PCCA: variants seen among roughly 807,000 people sequenced by gnomAD.
PCCA encodes propionyl-CoA carboxylase alpha chain, mitochondrial.
A neutral mutation model predicts 101.3 loss-of-function variants in PCCA; 74 were observed. The observed-to-expected ratio is 0.73, with a 90% CI of 0.61 to 0.89. PCCA has a LOEUF of 0.89. Ranked by LOEUF, PCCA falls within the 40% of genes least tolerant of loss-of-function variation. The probability of loss-of-function intolerance (pLI) is 0.00; values close to 1 mark genes in which losing one functional copy is unlikely to be tolerated. For synonymous variants in PCCA, 294 were observed against 313.6 expected (o/e 0.94, Z 0.66); for missense variants, 891 against 907.0 (o/e 0.98, Z 0.23).
chr13:100,242,397 CAT>C (rs1465540331), intron 8 of PCCA, among the ~76,000 whole-genome samples: 1 of 152,064 alleles, frequency 6.6e-6, no homozygotes, highest in Non-Finnish European at 1.5e-5. Context: ...TTGAGATAAA[CAT>C]TGACGGAATT....
At chr13:100,268,649 G>A (rs1297579326) in intron 10 of PCCA, 40 bp from the exon 11 acceptor site, 11 of 1,370,832 alleles carry the variant, frequency 8.0e-6, no homozygotes, top group South Asian at 1.2e-5. Context: ...TACTTTGTGG[G>A]TGTGGTTATA....
At chr13:100,518,035 C>A (rs1168623597) in intron 22 of PCCA, among the ~76,000 whole-genome samples, 1 of 152,136 alleles carries the variant, frequency 6.6e-6, no homozygotes, top group Non-Finnish European at 1.5e-5. Context: ...TCCGCACTAA[C>A]AATAGCCGGG....
rs183314210 is a variant in PCCA, at chr13:100,155,174, T to A, written c.414+82T>A. 352 of 867,916 alleles carry A rather than the reference T, an allele frequency of 4.1e-4. No individual in the cohort carries two copies. The African/African-American group carries it at 5.5e-3, about 14-fold the overall frequency. 53.8% of individuals were successfully genotyped at this position (867,916 alleles called of 1,614,324 possible). A position where few individuals can be genotyped will look rare whatever the true frequency, so the allele number is the denominator to read the frequency against. ...TAGAGTTTGTATTTAAAAAAAAAAA[T>A]AGGAAAGAATGATTGAAAATGCTGT... On this transcript the variant is annotated intron_variant, in intron 5 of 23. Coordinates refer to ENST00000376285, the MANE Select transcript of PCCA (RefSeq NM_000282.4).
At chr13:100,497,626 GTTC>G (rs2085369829) in intron 21 of PCCA, among the ~76,000 whole-genome samples, 1 of 152,096 alleles carries the variant, frequency 6.6e-6, no homozygotes, top group South Asian at 2.1e-4. Flanking sequence ...CATTTCCTCT[GTTC>G]TTCTACCAGT....
intron 22 of PCCA, among the ~76,000 whole-genome samples, chr13:100,515,885 T>G (rs946011509): frequency 6.6e-6 from 1 of 152,250 alleles, no homozygotes; most frequent in Admixed American, 6.5e-5. Context: ...TAGTATGCTG[T>G]GCTCAAAGCA....
At chr13:100,323,428 A>C (rs1331228590) in intron 16 of PCCA, among the ~76,000 whole-genome samples, 5 of 151,860 alleles carry the variant, frequency 3.3e-5, no homozygotes, top group Non-Finnish European at 5.9e-5. Context: ...TTCAAGCGGG[A>C]GGCCTCAGCC....
chr13:100,208,529 T>A (rs974398690), intron 6 of PCCA, among the ~76,000 whole-genome samples: 1 of 152,236 alleles, frequency 6.6e-6, no homozygotes, highest in Admixed American at 6.5e-5. Context: ...TGTAATGACT[T>A]CATCCTTTAT....
chr13:100,238,482 C>T (rs1011158348), intron 8 of PCCA, among the ~76,000 whole-genome samples: 1 of 152,122 alleles, frequency 6.6e-6, no homozygotes, highest in Non-Finnish European at 1.5e-5. Context: ...TCTAATTCTT[C>T]CCCAATTACT....
chr13:100,211,941 A>G (rs1226856900), intron 7 of PCCA, among the ~76,000 whole-genome samples: 2 of 151,930 alleles, frequency 1.3e-5, no homozygotes, highest in African/African-American at 4.8e-5. Context: ...GGGTCTCACT[A>G]TTTTGCCTAG....
chr13:100,378,704 G>A lies in PCCA; in HGVS notation c.1746+10130G>A, dbSNP rs369988132. Among the ~76,000 whole-genome samples the A allele has an allele frequency of 1.6e-4, 24 of 151,962 alleles. No homozygotes were observed. The South Asian group carries it at 3.3e-3, about 21-fold the overall frequency. ...TGCTTTGAGATTCTTTCTTCTGCTT[G>A]ATCTAGTCTGTTGAAGCTTTTGAAT... On this transcript the variant is annotated intron_variant, in intron 19 of 23. Transcript: ENST00000376285.
chr13:100,324,555 A>G (rs531591261), intron 16 of PCCA, among the ~76,000 whole-genome samples: 27 of 152,224 alleles, frequency 1.8e-4, no homozygotes, highest in Non-Finnish European at 3.7e-4. Flanking sequence ...ATCATTTGCT[A>G]TTATAAAATT....
At chr13:100,415,864 T>C (rs2078325171) in intron 19 of PCCA, among the ~76,000 whole-genome samples, 1 of 152,246 alleles carries the variant, frequency 6.6e-6, no homozygotes. Flanking sequence ...AAATTAAATG[T>C]TTAGCAGGTG....
At chr13:100,104,639 G>A (rs1237189728) in intron 2 of PCCA, 1 of 152,154 alleles carries the variant, frequency 6.6e-6, no homozygotes, top group African/African-American at 2.4e-5. Context: ...CTAGTCTTGG[G>A]TAGTATCTTC....
At chr13:100,469,211 C>CAAAAAAAAAAAAAAA (rs534361898) in intron 21 of PCCA, among the ~76,000 whole-genome samples, 16 of 65,030 alleles carry the variant, frequency 2.5e-4, no homozygotes, top group African/African-American at 6.8e-4. Context: ...AACTCCGTCT[C>CAAAAAAAAAAAAAAA]AAAAAAAAAA....
intron 22 of PCCA, among the ~76,000 whole-genome samples, chr13:100,516,960 G>A (rs1018911231): frequency 1.3e-5 from 2 of 149,130 alleles, no homozygotes; most frequent in Admixed American, 6.7e-5. Context: ...TTTTTCTTAA[G>A]TTTTTTTTCT....
At chr13:100,343,872 C>T (rs750073520) in intron 18 of PCCA, among the ~76,000 whole-genome samples, 7 of 152,158 alleles carry the variant, frequency 4.6e-5, no homozygotes, top group Non-Finnish European at 7.3e-5. Context: ...GCCAGGAGTT[C>T]GCGACCAACC....
chr13:100,430,316 A>G (rs1326422725), intron 20 of PCCA, among the ~76,000 whole-genome samples: 2 of 151,976 alleles, frequency 1.3e-5, no homozygotes, highest in Non-Finnish European at 1.5e-5. Flanking sequence ...TGCTATTTGT[A>G]TCATTCTTCC....
chr13:100,341,973 A>ATATATATATATATATATATATATGTATG (rs1257478273), intron 18 of PCCA, among the ~76,000 whole-genome samples: 4 of 121,870 alleles, frequency 3.3e-5, no homozygotes, highest in Non-Finnish European at 6.8e-5. Context: ...ATATATATAT[A>ATATATATATATATATATATATATGTATG]TATATATATG....
At chr13:100,134,403 T>C (rs9513731) in intron 4 of PCCA, among the ~76,000 whole-genome samples, 46,835 of 152,116 alleles carry the variant, frequency 0.31, 7,867 homozygotes, top group South Asian at 0.61. Flanking sequence ...AGAATCAGCT[T>C]ATGTTTATGT....
Sources: allele counts gnomAD v4.1 joint callset (sites outside exome capture counted in the v4.1 genomes callset), GRCh38; gene constraint gnomAD v4.1.1; transcripts MANE v1.5; gene names NCBI Gene and HGNC (gene_info 2026-07-23, HGNC 2026-07-21).